Variants in TENM4 observed in about 807,000 individuals in gnomAD.
The protein encoded by TENM4 is teneurin-4.
Under a neutral mutation model 243.3 loss-of-function variants are expected in TENM4, and 82 were observed. The ratio of observed to expected loss-of-function variants is 0.34; its 90% confidence interval spans 0.28 to 0.40. The LOEUF is 0.40. Among genes scored for constraint, TENM4 ranks in the 10% least tolerant of loss-of-function variants. The pLI, the probability that TENM4 is intolerant of heterozygous loss-of-function variation, is 1.00. For synonymous variants in TENM4, 1,412 were observed against 1,456.3 expected (o/e 0.97, Z 0.69); for missense variants, 3,138 against 3,673.3 (o/e 0.85, Z 3.77).
At chr11:78,771,959 GT>G (rs1856654739) in intron 17 of TENM4, among the ~76,000 whole-genome samples, 1 of 152,138 alleles carries the variant, frequency 6.6e-6, no homozygotes, top group South Asian at 2.1e-4. Context: ...AATAAGACCC[GT>G]TCTTATTCAT....
At position 78,702,117 on chromosome 11, in the gene TENM4, G is replaced by A. The variant is rs763249245; in HGVS notation, c.4496C>T (p.Thr1499Ile). The A allele has an allele frequency of 2.5e-6, 4 of 1,613,976 alleles. 1 individual carries two copies. The highest frequency in any genetic ancestry group is 2.2e-5 in the East Asian group (1 of 44,888). The change falls in exon 28 of 34, where the codon ACT becomes ATT. Residue 1499 changes from threonine to isoleucine, a missense_variant. Physicochemically the swap from Thr to Ile is moderately conservative, Grantham distance 89. Around this residue, in one of 2 missense-constraint regions of TENM4, gnomAD observed 2,467 missense variants for 3,059.1 expected, o/e 0.81. Transcript: ENST00000278550. ...AGCAACGAGTGAGATCTCTCCACTA[G>A]TGGTGACCTGCCTGATGCGGTTGAT... is the stretch of plus-strand genomic sequence containing the variant. ...KKINRIRQVTTSGEISLVAGA... is the reference protein window; with the variant it reads ...KKINRIRQVTISGEISLVAGA...
At chr11:79,067,145 C>G (rs907423663) in intron 5 of TENM4, among the ~76,000 whole-genome samples, 1 of 152,152 alleles carries the variant, frequency 6.6e-6, no homozygotes, top group African/African-American at 2.4e-5. Flanking sequence ...AAAAGAAGCC[C>G]GTGGGCTCTG....
chr11:78,811,214 G>T (rs1332279460), intron 14 of TENM4, among the ~76,000 whole-genome samples: 9 of 152,138 alleles, frequency 5.9e-5, no homozygotes, highest in African/African-American at 2.2e-4. Flanking sequence ...ATTCCAGAGT[G>T]TGCACTTTTA....
At chr11:79,420,462 C>T (rs1055733039) in intron 1 of TENM4, among the ~76,000 whole-genome samples, 1 of 152,156 alleles carries the variant, frequency 6.6e-6, no homozygotes, top group Non-Finnish European at 1.5e-5. Context: ...CAAAGAGCTT[C>T]TGAAGAAACC....
At chr11:78,694,781 C>G (rs1382410830) in intron 28 of TENM4, among the ~76,000 whole-genome samples, 2 of 152,212 alleles carry the variant, frequency 1.3e-5, no homozygotes, top group African/African-American at 4.8e-5. Flanking sequence ...CCGTGGTAGG[C>G]ACGGGCAAGA....
At chr11:78,977,369 T>C (rs1857685647) in intron 6 of TENM4, among the ~76,000 whole-genome samples, 2 of 152,240 alleles carry the variant, frequency 1.3e-5, no homozygotes, top group Non-Finnish European at 2.9e-5. Flanking sequence ...GGCTGGGTGG[T>C]GGGTCAATAG....
chr11:79,087,605 T>C (rs1357141634), intron 4 of TENM4, among the ~76,000 whole-genome samples: 1 of 152,234 alleles, frequency 6.6e-6, no homozygotes, highest in East Asian at 1.9e-4. Flanking sequence ...TCCTCGGCCC[T>C]GGGCCCAGTC....
At chr11:79,320,360 T>A (rs940407667) in intron 1 of TENM4, among the ~76,000 whole-genome samples, 4 of 152,204 alleles carry the variant, frequency 2.6e-5, no homozygotes, top group African/African-American at 7.2e-5. Context: ...ACACAGGGTG[T>A]GAGGAGGGCT....
chr11:79,097,982 T>C (rs1861125659), intron 4 of TENM4: 1 of 152,088 alleles, frequency 6.6e-6, no homozygotes, highest in Non-Finnish European at 1.5e-5. Flanking sequence ...AAAACGATAG[T>C]GGCCCAAGAT....
At chr11:78,906,518 A>G (rs1035635075) in intron 6 of TENM4, among the ~76,000 whole-genome samples, 2 of 152,224 alleles carry the variant, frequency 1.3e-5, no homozygotes, top group African/African-American at 2.4e-5. Flanking sequence ...AAGTCCTGCA[A>G]TGATGAAATT....
chr11:79,414,690 A>AT (rs1260440969), intron 1 of TENM4, among the ~76,000 whole-genome samples: 2 of 152,098 alleles, frequency 1.3e-5, no homozygotes, highest in African/African-American at 4.8e-5. Flanking sequence ...TTGCTTTTTC[A>AT]TTTTTTTAAA....
At chr11:79,052,195 C>T (rs1190054272) in intron 6 of TENM4, among the ~76,000 whole-genome samples, 1 of 152,162 alleles carries the variant, frequency 6.6e-6, no homozygotes, top group Non-Finnish European at 1.5e-5. Context: ...GAGGAATTGC[C>T]ACGCTGTCTT....
At chr11:78,853,138 T>C (rs931500780) in intron 12 of TENM4, among the ~76,000 whole-genome samples, 2 of 152,146 alleles carry the variant, frequency 1.3e-5, no homozygotes, top group Non-Finnish European at 2.9e-5. Context: ...TCAGGTGAAC[T>C]CCAGACCACA....
intron 20 of TENM4, among the ~76,000 whole-genome samples, chr11:78,735,242 C>A (rs1025507357): frequency 2.0e-5 from 3 of 152,202 alleles, no homozygotes; most frequent in Admixed American, 1.3e-4. Flanking sequence ...GTACCACCAT[C>A]ATTCAATGAC....
intron 12 of TENM4, among the ~76,000 whole-genome samples, chr11:78,824,456 C>T (rs531902024): frequency 7.2e-5 from 11 of 152,096 alleles, no homozygotes; most frequent in Non-Finnish European, 1.5e-4. Flanking sequence ...GAAATCTCCT[C>T]CCATGATCTA....
intron 4 of TENM4, among the ~76,000 whole-genome samples, chr11:79,135,043 CAGAGT>C (rs1449071679): frequency 6.6e-6 from 1 of 152,098 alleles, no homozygotes; most frequent in Non-Finnish European, 1.5e-5. Context: ...GAACAGTCAG[CAGAGT>C]AAACAGACAA....
At chr11:79,318,242 AG>A (rs1352352655) in intron 1 of TENM4, among the ~76,000 whole-genome samples, 1 of 152,190 alleles carries the variant, frequency 6.6e-6, no homozygotes, top group Non-Finnish European at 1.5e-5. Flanking sequence ...GGGGATAAAA[AG>A]GCACCAAGGC....
At chr11:78,806,408 T>C (rs1591037919) in intron 14 of TENM4, among the ~76,000 whole-genome samples, 1 of 152,320 alleles carries the variant, frequency 6.6e-6, no homozygotes, top group African/African-American at 2.4e-5. Context: ...GTGAGTCACA[T>C]AGTGGTGGCT....
intron 2 of TENM4, among the ~76,000 whole-genome samples, chr11:79,257,143 A>C (rs561543908): frequency 1.3e-5 from 2 of 152,174 alleles, no homozygotes; most frequent in South Asian, 4.2e-4. Flanking sequence ...CTGGAGGGGC[A>C]CATATGGACC....
Sources: gnomAD v4.1 joint callset for allele counts (sites outside exome capture counted in the v4.1 genomes callset) on GRCh38, gnomAD v4.1.1 for gene constraint, gnomAD v4.1.1 regional missense constraint, MANE v1.5 for transcripts, NCBI Gene and HGNC (gene_info 2026-07-23, HGNC 2026-07-21) for gene names.